CHD6: variants seen among roughly 807,000 people sequenced by gnomAD.
The protein encoded by CHD6 is chromodomain helicase DNA binding protein 6, also known as ATP-dependent chromatin remodeler CHD6.
In CHD6, 50 loss-of-function variants were observed where a neutral mutation model predicts 276.9. That is an observed-to-expected ratio of 0.18 (90% CI 0.14 to 0.23). The LOEUF (loss-of-function observed/expected upper bound fraction) is 0.23. CHD6 is among the 10% of genes least tolerant of loss of function. The pLI is 1.00. For synonymous variants in CHD6, 1,173 were observed against 1,229.3 expected (o/e 0.95, Z 0.96); for missense variants, 2,564 against 3,365.8 (o/e 0.76, Z 5.89).
intron 30 of CHD6, among the ~76,000 whole-genome samples, chr20:41,423,228 A>C (rs1040882742): frequency 2.6e-5 from 4 of 152,346 alleles, no homozygotes; most frequent in South Asian, 4.1e-4. Flanking sequence ...CTTTGGAGAA[A>C]GTGGTTGGCA....
In CHD6 at chr20:41,404,327, A is replaced by G; in HGVS notation, c.*266T>C. On this transcript the variant is annotated 3_prime_UTR_variant, in exon 37 of 37. Coordinates refer to ENST00000373233, the MANE Select transcript of CHD6 (RefSeq NM_032221.5). ...AAGGGGGTAGGGCGTGTCACCAAGTACTGTATTAACTATGATTGCTGGAAT... is the reference window on the plus strand; with the variant it reads ...AAGGGGGTAGGGCGTGTCACCAAGTGCTGTATTAACTATGATTGCTGGAAT... 2 of 1,170,248 alleles carry G rather than the reference A, an allele frequency of 1.7e-6. No homozygotes were observed. Among genetic ancestry groups the G allele is most frequent in the African/African-American group, 3.1e-5 (2 of 63,696 alleles). 72.5% of individuals were successfully genotyped at this position (1,170,248 alleles called of 1,614,324 possible).
At chr20:41,527,866 G>C (rs1192078685) in intron 3 of CHD6, among the ~76,000 whole-genome samples, 2 of 152,150 alleles carry the variant, frequency 1.3e-5, no homozygotes, top group African/African-American at 4.8e-5. Flanking sequence ...GATGAATATT[G>C]TTATCACAGG....
chr20:41,557,273 C>T (rs931755383), intron 1 of CHD6, among the ~76,000 whole-genome samples: 1 of 152,202 alleles, frequency 6.6e-6, no homozygotes, highest in Admixed American at 6.5e-5. Flanking sequence ...ATTATCTTCA[C>T]AAGAAGGTAA....
intron 17 of CHD6, among the ~76,000 whole-genome samples, chr20:41,472,854 G>C (rs936065458): frequency 6.6e-6 from 1 of 152,216 alleles, no homozygotes; most frequent in African/African-American, 2.4e-5. Flanking sequence ...GTTGCACTGT[G>C]TGGAGAACAA....
At chr20:41,444,656 A>G (rs575792924) in intron 25 of CHD6, among the ~76,000 whole-genome samples, 48 of 152,324 alleles carry the variant, frequency 3.2e-4, no homozygotes, top group African/African-American at 1.1e-3. Flanking sequence ...AATACGTATT[A>G]GAAAGTTAAC....
At chr20:41,450,166 A>G (rs1232346595) in intron 23 of CHD6, among the ~76,000 whole-genome samples, 1 of 152,232 alleles carries the variant, frequency 6.6e-6, no homozygotes, top group Non-Finnish European at 1.5e-5. Flanking sequence ...CTACAAAATC[A>G]TTAAGAAGAT....
At chr20:41,589,052 G>A (rs964757084) in intron 1 of CHD6, among the ~76,000 whole-genome samples, 1 of 152,108 alleles carries the variant, frequency 6.6e-6, no homozygotes, top group Non-Finnish European at 1.5e-5. Context: ...GGGATGCAAG[G>A]CTGGTTCAAC....
At chr20:41,477,255 TAA>T (rs1261339715) in intron 16 of CHD6, among the ~76,000 whole-genome samples, 1 of 151,626 alleles carries the variant, frequency 6.6e-6, no homozygotes, top group Non-Finnish European at 1.5e-5. Flanking sequence ...TATAAATAAA[TAA>T]ATAAATAAAT....
In CHD6 at chr20:41,403,147, T is replaced by G. The variant is rs2046577036; in HGVS notation, c.*1446A>C. ...TATGTCAGACTTTTGGACCTTCTGATAAATTAGCAAAACTGTAACAGAAAA... is the reference window on the plus strand; with the variant it reads ...TATGTCAGACTTTTGGACCTTCTGAGAAATTAGCAAAACTGTAACAGAAAA... On this transcript the variant is annotated 3_prime_UTR_variant, in exon 37 of 37. Transcript: ENST00000373233. 2.0e-6 allele frequency: 1 copy of G among 508,730 alleles called. No individual in the cohort carries two copies. The highest frequency in any genetic ancestry group is 2.7e-6 in the Non-Finnish European group (1 of 373,216). 31.5% of individuals were successfully genotyped at this position (508,730 alleles called of 1,614,324 possible).
intron 2 of CHD6, among the ~76,000 whole-genome samples, chr20:41,540,357 G>T (rs566604916): frequency 6.6e-6 from 1 of 152,144 alleles, no homozygotes; most frequent in African/African-American, 2.4e-5. Flanking sequence ...ATGCAAATTT[G>T]GCTGTTTATT....
intron 1 of CHD6, among the ~76,000 whole-genome samples, chr20:41,580,422 G>A (rs2045523629): frequency 6.6e-6 from 1 of 151,984 alleles, no homozygotes; most frequent in Admixed American, 6.6e-5. Context: ...AGCACTTAGG[G>A]AGGCTGAGGA....
chr20:41,575,745 T>A (rs1260246558), intron 1 of CHD6, among the ~76,000 whole-genome samples: 5 of 152,256 alleles, frequency 3.3e-5, no homozygotes, highest in Non-Finnish European at 7.3e-5. Flanking sequence ...CCTTTCATTG[T>A]ATGGTTTGTC....
chr20:41,492,414 C>T (rs1380724905), intron 10 of CHD6, among the ~76,000 whole-genome samples: 1 of 152,184 alleles, frequency 6.6e-6, no homozygotes, highest in East Asian at 1.9e-4. Context: ...AAAAACAAAA[C>T]ACTGCTCTTG....
At position 41,548,409 on chromosome 20, in the gene CHD6, C is replaced by G. The variant is rs73613203; in HGVS notation, c.33+2896G>C. On this transcript the variant is annotated intron_variant, in intron 2 of 36. Transcript: ENST00000373233. ...TGAACCAGTAAAATCTCACAAGAAA[C>G]CAGAATTCATTTTGGTGGAATCACT... Among the ~76,000 whole-genome samples, 143 of 152,218 alleles carry G rather than the reference C, an allele frequency of 9.4e-4. 1 individual carries two copies. Among genetic ancestry groups the G allele is most frequent in the East Asian group, 8.9e-3 (46 of 5,174 alleles).
At position 41,420,490 on chromosome 20, in the gene CHD6, A is replaced by C. The variant is rs954465041; in HGVS notation, c.6127+18T>G. ...GAACTAGTTTATCCAAAATGCCACA[A>C]GATCCTACATACTGTACCTTGACTA... is the stretch of plus-strand genomic sequence containing the variant. On this transcript the variant is annotated intron_variant, in intron 31 of 36. Coordinates refer to ENST00000373233, the MANE Select transcript of CHD6 (RefSeq NM_032221.5). The C allele has an allele frequency of 1.3e-6, 2 of 1,580,550 alleles. No homozygotes were observed. Among genetic ancestry groups the C allele is most frequent in the African/African-American group, 2.7e-5 (2 of 73,632 alleles).
chr20:41,473,537 C>T lies in CHD6; in HGVS notation c.2469-20G>A, dbSNP rs2043103350. The T allele has an allele frequency of 2.5e-6, 4 of 1,607,564 alleles. No individual in the cohort carries two copies. Among genetic ancestry groups the T allele is most frequent in the African/African-American group, 1.3e-5 (1 of 74,738 alleles). ...GTGTATCTGAGGGGACCCAAATGAA[C>T]GAAAGCCCAGGCGTTAATCATGACT... On this transcript the variant is annotated intron_variant, in intron 16 of 36. Transcript: ENST00000373233. This position sits in a 1 kb window ranked among gnomAD's most constrained non-coding sequence, Gnocchi z 4.1.
chr20:41,490,112 G>A (rs1206567231), intron 11 of CHD6, 91 bp from the exon 12 acceptor site: 4 of 1,025,182 alleles, frequency 3.9e-6, no homozygotes, highest in South Asian at 3.0e-5. Flanking sequence ...TCACATACCT[G>A]TAAGATTATC....
chr20:41,436,915 G>A (rs2047726571), intron 27 of CHD6, among the ~76,000 whole-genome samples: 1 of 152,176 alleles, frequency 6.6e-6, no homozygotes, highest in Non-Finnish European at 1.5e-5. Context: ...ATGAATCTTT[G>A]TGGTCATGAG....
chr20:41,444,783 C>A (rs2048013378), intron 25 of CHD6, among the ~76,000 whole-genome samples: 1 of 152,088 alleles, frequency 6.6e-6, no homozygotes, highest in Admixed American at 6.6e-5. Flanking sequence ...TAAACAACCC[C>A]TAGGTAGGCT....
Sources: gnomAD v4.1 joint callset for allele counts (sites outside exome capture counted in the v4.1 genomes callset) on GRCh38, gnomAD v4.1.1 for gene constraint, Gnocchi (gnomAD v3.1) non-coding constraint, MANE v1.5 for transcripts, NCBI Gene and HGNC (gene_info 2026-07-23, HGNC 2026-07-21) for gene names.